The following MAP7 variants were observed in gnomAD, a reference collection of about 807,000 sequenced individuals.
The protein encoded by MAP7 is microtubule associated protein 7, also known as ensconsin.
A neutral mutation model predicts 94.8 loss-of-function variants in MAP7; 52 were observed. That is an observed-to-expected ratio of 0.55 (90% CI 0.44 to 0.69). The LOEUF (loss-of-function observed/expected upper bound fraction) is 0.69. Among genes scored for constraint, MAP7 ranks in the 30% least tolerant of loss-of-function variants. The pLI, the probability that MAP7 is intolerant of heterozygous loss-of-function variation, is 0.00. For synonymous variants in MAP7, 350 were observed against 357.0 expected (o/e 0.98, Z 0.22); for missense variants, 940 against 964.6 (o/e 0.97, Z 0.34).
At position 136,446,173 on chromosome 6, in the gene MAP7, C is replaced by A. The variant is rs111791611; in HGVS notation, c.68-24374G>T. 5.0e-3 allele frequency among the ~76,000 whole-genome samples: 762 copies of A among 151,934 alleles called. 4 individuals are homozygous for A. The highest frequency in any genetic ancestry group is 0.039 in the East Asian group (203 of 5,180). On this transcript the variant is annotated intron_variant, in intron 1 of 17. Coordinates refer to ENST00000354570, the MANE Select transcript of MAP7 (RefSeq NM_003980.6). ...ATCATCAGAGGTGGACAGGGCACAGCATGGGAGAAGATTGTCATCAGAGGT... is the reference window on the plus strand; with the variant it reads ...ATCATCAGAGGTGGACAGGGCACAGAATGGGAGAAGATTGTCATCAGAGGT...
intron 1 of MAP7, among the ~76,000 whole-genome samples, chr6:136,436,104 T>G (rs139717256): frequency 1.3e-5 from 2 of 152,236 alleles, no homozygotes; most frequent in East Asian, 3.9e-4. Context: ...GTATGGCAAA[T>G]AGGCATAAGG....
chr6:136,507,915 C>A (rs1280662687), intron 1 of MAP7, among the ~76,000 whole-genome samples: 1 of 152,186 alleles, frequency 6.6e-6, no homozygotes, highest in Admixed American at 6.5e-5. Flanking sequence ...TCCAAGACAC[C>A]ACAACACACT....
intron 1 of MAP7, among the ~76,000 whole-genome samples, chr6:136,497,317 T>C (rs1818546886): frequency 6.6e-6 from 1 of 152,004 alleles, no homozygotes; most frequent in African/African-American, 2.4e-5. Flanking sequence ...CCTAGTGAGC[T>C]GCAAGATCTT....
intron 7 of MAP7, among the ~76,000 whole-genome samples, chr6:136,374,012 G>A (rs1322029151): frequency 1.3e-5 from 2 of 152,188 alleles, no homozygotes; most frequent in Admixed American, 6.5e-5. Context: ...CCCAGGCTGA[G>A]GTGCAGTGGC....
chr6:136,507,352 G>T (rs1044802874), intron 1 of MAP7, among the ~76,000 whole-genome samples: 1 of 151,664 alleles, frequency 6.6e-6, no homozygotes, highest in East Asian at 1.9e-4. Context: ...GGACGGGAAG[G>T]GGGGTAGTAA....
intron 16 of MAP7, among the ~76,000 whole-genome samples, chr6:136,347,265 G>A (rs117615671): frequency 6.6e-6 from 1 of 152,292 alleles, no homozygotes; most frequent in East Asian, 1.9e-4. Context: ...ATTAACCTTA[G>A]TCTCAGTAAT....
At chr6:136,370,952 T>A (rs1774302878) in intron 8 of MAP7, among the ~76,000 whole-genome samples, 1 of 152,148 alleles carries the variant, frequency 6.6e-6, no homozygotes, top group Non-Finnish European at 1.5e-5. Context: ...AAACTTAAAA[T>A]TTAGCTTGTC....
At chr6:136,461,893 G>T (rs1050895698) in intron 1 of MAP7, among the ~76,000 whole-genome samples, 8 of 152,082 alleles carry the variant, frequency 5.3e-5, no homozygotes, top group African/African-American at 1.9e-4. Flanking sequence ...ATGCTAAGTA[G>T]TCATATGCTA....
intron 1 of MAP7, among the ~76,000 whole-genome samples, chr6:136,460,153 A>G (rs1045514649): frequency 1.3e-5 from 2 of 152,204 alleles, no homozygotes; most frequent in African/African-American, 2.4e-5. Flanking sequence ...TAAAAAAGCA[A>G]AAGCAGTAAT....
chr6:136,361,100 C>A lies in MAP7; in HGVS notation c.1606G>T (p.Ala536Ser), dbSNP rs374218332. ...TCCTCCTTCTCCCGGGCCTGCTCGG[C>A]TTCCAGCCTGCGCGACTCCTCCTCA... is the stretch of plus-strand genomic sequence containing the variant. ...RREEESRRLE[A>S]EQAREKEEQL... The change falls in exon 12 of 18, where the codon GCC (alanine) becomes TCC (serine). Residue 536 changes from alanine to serine, a missense_variant. Physicochemically the swap from Ala to Ser is moderately conservative, Grantham distance 99. Transcript: ENST00000354570. 6.2e-7 allele frequency: 1 copy of A among 1,605,346 alleles called. No individual in the cohort carries two copies. The highest frequency in any genetic ancestry group is 2.2e-5 in the East Asian group (1 of 44,872).
rs1337448884 is a variant in MAP7 at position 136,361,066 on chromosome 6, T to A, written c.1640A>T (p.Gln547Leu). ...EQAREKEEQL[Q>L]RQAEERALRE... is the part of the protein sequence containing the mutation. ...CAGCGCCCGCTCCTCCGCCTGCCGC[T>A]GCAGCTGCTCCTCCTTCTCCCGGGC... is the stretch of plus-strand genomic sequence containing the variant. Residue 547 changes from glutamine to leucine, a missense_variant, in exon 12 of 18, where the codon CAG (glutamine) becomes CTG (leucine). Physicochemically the swap from Gln to Leu is moderately radical, Grantham distance 113. Coordinates refer to ENST00000354570, the MANE Select transcript of MAP7 (RefSeq NM_003980.6). 1 of 1,600,280 alleles carries A rather than the reference T, an allele frequency of 6.2e-7. No homozygotes were observed. Among genetic ancestry groups the A allele is most frequent in the African/African-American group, 1.3e-5 (1 of 75,020 alleles).
At chr6:136,405,385 C>A (rs77955940) in intron 3 of MAP7, among the ~76,000 whole-genome samples, 1 of 152,260 alleles carries the variant, frequency 6.6e-6, no homozygotes, top group East Asian at 1.9e-4. Flanking sequence ...AGGAGAAGGC[C>A]TCGCTGAGAA....
chr6:136,510,607 T>A (rs1377804074), intron 1 of MAP7, among the ~76,000 whole-genome samples: 1 of 152,122 alleles, frequency 6.6e-6, no homozygotes, highest in Non-Finnish European at 1.5e-5. Context: ...CATCGCTGGT[T>A]TTGCTTTCTG....
intron 1 of MAP7, among the ~76,000 whole-genome samples, chr6:136,426,560 A>G (rs184385206): frequency 3.9e-5 from 6 of 152,354 alleles, no homozygotes; most frequent in African/African-American, 1.4e-4. Context: ...AGGAGCCACA[A>G]GGCACAGCAG....
At chr6:136,371,280 T>C (rs1582704624) in intron 8 of MAP7, among the ~76,000 whole-genome samples, 1 of 152,252 alleles carries the variant, frequency 6.6e-6, no homozygotes, top group African/African-American at 2.4e-5. Flanking sequence ...CCATGGTAAA[T>C]GCTCTTTTCC....
At chr6:136,358,317 T>G (rs1244846259) in intron 15 of MAP7, among the ~76,000 whole-genome samples, 2 of 152,210 alleles carry the variant, frequency 1.3e-5, no homozygotes, top group African/African-American at 4.8e-5. Context: ...CAAATAATCT[T>G]GAGCTGGTGC....
chr6:136,522,522 T>C (rs899697123), intron 1 of MAP7, among the ~76,000 whole-genome samples: 1 of 152,188 alleles, frequency 6.6e-6, no homozygotes, highest in African/African-American at 2.4e-5. Flanking sequence ...AGGATAATCC[T>C]GAACAGAAAC....
chr6:136,364,149 C>A (rs915341840), intron 10 of MAP7: 1 of 451,284 alleles, frequency 2.2e-6, no homozygotes, highest in Admixed American at 2.4e-5. Flanking sequence ...TTTCTGAGCT[C>A]GCCTGCATTC....
At chr6:136,539,130 T>C (rs1298021087) in intron 1 of MAP7, among the ~76,000 whole-genome samples, 2 of 152,230 alleles carry the variant, frequency 1.3e-5, no homozygotes, top group Non-Finnish European at 2.9e-5. Flanking sequence ...GCAATACTAA[T>C]CTTCAGTAAT....
Sources: gnomAD v4.1 joint callset for allele counts (sites outside exome capture counted in the v4.1 genomes callset) on GRCh38, gnomAD v4.1.1 for gene constraint, MANE v1.5 for transcripts, NCBI Gene and HGNC (gene_info 2026-07-23, HGNC 2026-07-21) for gene names.